Variants in FAM135A observed in about 807,000 individuals in gnomAD.
The protein encoded by FAM135A is protein FAM135A.
Under a neutral mutation model 146.8 loss-of-function variants are expected in FAM135A, and 79 were observed. That is an observed-to-expected ratio of 0.54 (90% CI 0.45 to 0.65). The LOEUF (loss-of-function observed/expected upper bound fraction) is 0.65. Ranked by LOEUF, FAM135A falls within the 30% of genes least tolerant of loss-of-function variation. The probability of loss-of-function intolerance (pLI) is 0.00; values close to 1 mark genes in which losing one functional copy is unlikely to be tolerated. For synonymous variants in FAM135A, 562 were observed against 603.6 expected (o/e 0.93, Z 1.01); for missense variants, 1,623 against 1,758.2 (o/e 0.92, Z 1.38).
intron 5 of FAM135A, among the ~76,000 whole-genome samples, chr6:70,455,194 G>A (rs1344925622): frequency 1.3e-5 from 2 of 152,118 alleles, no homozygotes; most frequent in Non-Finnish European, 2.9e-5. Context: ...TGAAGCAATT[G>A]TGAATGGGAG....
intron 12 of FAM135A, among the ~76,000 whole-genome samples, chr6:70,515,812 A>G (rs1262358161): frequency 6.6e-6 from 1 of 152,164 alleles, no homozygotes; most frequent in Non-Finnish European, 1.5e-5. Context: ...CCACAGTAAC[A>G]CAAGATGTAA....
At chr6:70,505,256 CAA>C (rs1020211346) in intron 12 of FAM135A, among the ~76,000 whole-genome samples, 2 of 152,034 alleles carry the variant, frequency 1.3e-5, no homozygotes, top group Non-Finnish European at 2.9e-5. Flanking sequence ...TATATTGACA[CAA>C]TATTGATATT....
chr6:70,554,437 C>T (rs1800441036), intron 20 of FAM135A, among the ~76,000 whole-genome samples: 3 of 151,984 alleles, frequency 2.0e-5, no homozygotes, highest in African/African-American at 7.3e-5. Flanking sequence ...CTTGAAAGAG[C>T]AATTTACATG....
chr6:70,494,475 A>G lies in FAM135A; in HGVS notation c.873+3392A>G, dbSNP rs189933738. Among the ~76,000 whole-genome samples, 470 of 152,240 alleles carry G rather than the reference A, an allele frequency of 3.1e-3. 1 individual carries two copies. Among genetic ancestry groups the G allele is most frequent in the Non-Finnish European group, 4.9e-3 (334 of 68,010 alleles). ...TGGCCACTGCACTCCAGCCTGGGCCAAGTAATGAAACCTTGTCTCAAGTTT... is the reference window on the plus strand; with the variant it reads ...TGGCCACTGCACTCCAGCCTGGGCCGAGTAATGAAACCTTGTCTCAAGTTT... On this transcript the variant is annotated intron_variant, in intron 11 of 21. Transcript: ENST00000418814.
rs776318929 is a variant in FAM135A at position 70,526,613 on chromosome 6, A to G, written c.3529A>G (p.Ile1177Val). ...KYSSKSKFDA[I>V]TKQPSSTSYN... is the part of the protein sequence containing the mutation. ...TTCTTCCAAAAGTAAATTTGATGCC[A>G]TTACAAAGCAGCCAAGCAGTACTTC... The change falls in exon 15 of 22, where the codon ATT (isoleucine) becomes GTT (valine). Residue 1177 changes from isoleucine (I) to valine (V), a missense_variant. Physicochemically the swap from Ile to Val is conservative, Grantham distance 29. This residue lies in a region of FAM135A where 1,061 missense variants were observed against 1,113.8 expected (regional missense o/e 0.95). Coordinates refer to ENST00000418814, the MANE Select transcript of FAM135A (RefSeq NM_001162529.3). The G allele has an allele frequency of 6.2e-7, 1 of 1,613,480 alleles. No homozygotes were observed. The highest frequency in any genetic ancestry group is 8.5e-7 in the Non-Finnish European group (1 of 1,179,654).
chr6:70,526,230 C>T lies in FAM135A; in HGVS notation c.3146C>T (p.Thr1049Met), dbSNP rs778399413. 82 of 1,613,272 alleles carry T rather than the reference C, an allele frequency of 5.1e-5. No individual in the cohort carries two copies. The highest frequency in any genetic ancestry group is 2.0e-4 in the East Asian group (9 of 44,878). ...AATTATTTTGGTTCTCAAAGCAGTA[C>T]GGATATTTCTGACACATGTGCTGTT... ...VENYFGSQSS[T>M]DISDTCAVSY... The change falls in exon 15 of 22, where the codon ACG becomes ATG. Residue 1049 changes from threonine to methionine, a missense_variant. Thr to Met is a moderately conservative substitution (Grantham distance 81). Around this residue, in one of 7 missense-constraint regions of FAM135A, gnomAD observed 1,061 missense variants for 1,113.8 expected, o/e 0.95. Transcript: ENST00000418814.
chr6:70,430,351 A>G (rs1562402337), intron 4 of FAM135A, among the ~76,000 whole-genome samples: 1 of 152,020 alleles, frequency 6.6e-6, no homozygotes, highest in Non-Finnish European at 1.5e-5. Context: ...AAAAAACAAA[A>G]AAAGAAAGAG....
intron 20 of FAM135A, among the ~76,000 whole-genome samples, chr6:70,543,238 A>G (rs1798254167): frequency 6.6e-6 from 1 of 152,188 alleles, no homozygotes; most frequent in South Asian, 2.1e-4. Context: ...GAATTTGTGA[A>G]CTTAAGCCCT....
rs1773035786 is a variant in FAM135A at position 70,435,998 on chromosome 6, A to G, written c.77+7579A>G. Among the ~76,000 whole-genome samples, 2 of 152,140 alleles carry G rather than the reference A, an allele frequency of 1.3e-5. 1 individual carries two copies. Among genetic ancestry groups the G allele is most frequent in the South Asian group, 4.1e-4 (2 of 4,828 alleles). Reference sequence around the variant, plus strand: ...CAGGAGTTCGAGACCAACCTGGCCAACATGGTGAAACCCTGTCTCTACTAA... The same window carrying G: ...CAGGAGTTCGAGACCAACCTGGCCAGCATGGTGAAACCCTGTCTCTACTAA... On this transcript the variant is annotated intron_variant, in intron 4 of 21. Transcript: ENST00000418814.
At chr6:70,522,920 GT>G (rs990831661) in intron 13 of FAM135A, among the ~76,000 whole-genome samples, 1 of 151,820 alleles carries the variant, frequency 6.6e-6, no homozygotes, top group African/African-American at 2.4e-5. Context: ...AATTTCTTAT[GT>G]TCATCCTTTT....
chr6:70,555,011 C>T (rs1191195626), intron 20 of FAM135A, among the ~76,000 whole-genome samples: 1 of 152,154 alleles, frequency 6.6e-6, no homozygotes, highest in Non-Finnish European at 1.5e-5. Flanking sequence ...GAAATGTGTG[C>T]CATAAAATCC....
intron 5 of FAM135A, among the ~76,000 whole-genome samples, chr6:70,461,530 C>T (rs1238906978): frequency 4.6e-5 from 7 of 152,032 alleles, no homozygotes; most frequent in African/African-American, 1.7e-4. Context: ...TAATGAAGTG[C>T]ATAGGATAAC....
At chr6:70,509,607 A>T (rs1169381268) in intron 12 of FAM135A, among the ~76,000 whole-genome samples, 1 of 152,216 alleles carries the variant, frequency 6.6e-6, no homozygotes, top group Non-Finnish European at 1.5e-5. Context: ...ATAAACGTGT[A>T]TAGCAGTTAT....
intron 11 of FAM135A, among the ~76,000 whole-genome samples, chr6:70,501,394 G>A (rs935546353): frequency 3.9e-5 from 6 of 152,204 alleles, no homozygotes; most frequent in East Asian, 3.9e-4. Flanking sequence ...TGCTGGCAGC[G>A]AGAATTTCAA....
intron 4 of FAM135A, among the ~76,000 whole-genome samples, chr6:70,438,126 A>G (rs1467065371): frequency 6.6e-6 from 1 of 152,208 alleles, no homozygotes; most frequent in Non-Finnish European, 1.5e-5. Context: ...AACAGAAAAT[A>G]CAGAATACAA....
Position 70,428,303 on chromosome 6 carries a change from G to A in FAM135A, c.-39-1G>A. 7.2e-7 allele frequency: 1 copy of A among 1,392,862 alleles called. No individual in the cohort carries two copies. The highest frequency in any genetic ancestry group is 9.7e-7 in the Non-Finnish European group (1 of 1,026,932). The allele number at this position is 1,392,862 out of a possible 1,614,324, so 86.3% of individuals were successfully genotyped here. On this transcript the variant is annotated splice_acceptor_variant, in intron 3 of 21. Transcript: ENST00000418814. LOFTEE classifies it low-confidence loss of function (5UTR_SPLICE). ...TGATTTTTTCCCTTTCCTTAACAAA[G>A]GTGCTGTTATCAGAATAGTCTTCTG...
At chr6:70,507,684 T>C (rs965749297) in intron 12 of FAM135A, among the ~76,000 whole-genome samples, 3 of 152,170 alleles carry the variant, frequency 2.0e-5, no homozygotes, top group Non-Finnish European at 4.4e-5. Flanking sequence ...CATCCAAACT[T>C]GTTGAGCTTC....
At chr6:70,433,938 A>T (rs1055302739) in intron 4 of FAM135A, among the ~76,000 whole-genome samples, 5 of 150,872 alleles carry the variant, frequency 3.3e-5, no homozygotes, top group African/African-American at 1.2e-4. Context: ...CTAAAGAAAA[A>T]CTAGTTTTAT....
chr6:70,487,437 A>T (rs1441591002), intron 10 of FAM135A, among the ~76,000 whole-genome samples: 1 of 152,178 alleles, frequency 6.6e-6, no homozygotes, highest in African/African-American at 2.4e-5. Context: ...TGTAGGAATC[A>T]AAAAGTGAAA....
Sources: allele counts gnomAD v4.1 joint callset (sites outside exome capture counted in the v4.1 genomes callset), GRCh38; gene constraint gnomAD v4.1.1; regional missense constraint gnomAD v4.1.1; transcripts MANE v1.5; gene names NCBI Gene and HGNC (gene_info 2026-07-23, HGNC 2026-07-21).